DLEC1: variants seen among roughly 807,000 people sequenced by gnomAD.
DLEC1 encodes deleted in lung and esophageal cancer protein 1.
DLEC1 carries 146 observed loss-of-function variants against 198.1 expected under a neutral mutation model. That is an observed-to-expected ratio of 0.74 (90% CI 0.64 to 0.85). The LOEUF (loss-of-function observed/expected upper bound fraction) is 0.85, where lower values mean the gene tolerates loss of function less well. Among genes scored for constraint, DLEC1 ranks in the 40% least tolerant of loss-of-function variants. The pLI, the probability that DLEC1 is intolerant of heterozygous loss-of-function variation, is 0.00. For synonymous variants in DLEC1, 897 were observed against 866.8 expected (o/e 1.03, Z -0.61); for missense variants, 2,233 against 2,220.0 (o/e 1.01, Z -0.12).
intron 32 of DLEC1, 40 bp from the exon 33 acceptor site, chr3:38,117,766 C>G: frequency 6.3e-7 from 1 of 1,596,230 alleles, no homozygotes; most frequent in Non-Finnish European, 8.6e-7. Flanking sequence ...AAGAGAGAGA[C>G]AAGATGCATT....
At position 38,080,653 on chromosome 3, in the gene DLEC1, C is replaced by T. The variant is rs975368931; in HGVS notation, c.1174-3505C>T. On this transcript the variant is annotated intron_variant, in intron 6 of 36. Coordinates refer to ENST00000308059, the MANE Select transcript of DLEC1 (RefSeq NM_007335.4). ...AAAACAAGGCATTTAGGTTTTAGGT[C>T]AGGTGTGAGTTGAAGAGCTTTTAAG... Among the ~76,000 whole-genome samples, 69 of 151,866 alleles carry T rather than the reference C, an allele frequency of 4.5e-4. 2 individuals carry two copies. Among genetic ancestry groups the T allele is most frequent in the Non-Finnish European group, 1.8e-4 (12 of 68,002 alleles).
Position 38,123,266 on chromosome 3 carries a change from C to G in DLEC1, c.*854C>G, listed in dbSNP as rs1700580878. On this transcript the variant is annotated 3_prime_UTR_variant, in exon 37 of 37. Transcript: ENST00000308059. ...GGGCAAGCGGTACCCTGGCCTCCCACTTGGGCACACACACGGTGACAGATG... is the reference window on the plus strand; with the variant it reads ...GGGCAAGCGGTACCCTGGCCTCCCAGTTGGGCACACACACGGTGACAGATG... 2.8e-6 allele frequency: 2 copies of G among 709,112 alleles called. No individual in the cohort carries two copies. Among genetic ancestry groups the G allele is most frequent in the South Asian group, 3.3e-5 (2 of 60,506 alleles). The allele number at this position is 709,112 out of a possible 1,614,324, so 43.9% of individuals were successfully genotyped here.
At chr3:38,064,383 C>T (rs971739744) in intron 6 of DLEC1, among the ~76,000 whole-genome samples, 1 of 152,346 alleles carries the variant, frequency 6.6e-6, no homozygotes, top group East Asian at 1.9e-4. Context: ...TAGTACAGAA[C>T]AAAATGGAGT....
At position 38,112,672 on chromosome 3, in the gene DLEC1, A is replaced by G. The variant is rs1005456617; in HGVS notation, c.3666+311A>G. ...AGGCTGCTGCCTGGGCCAGGACCCAAGACTTGGAGTAGGGAGTGTGGAGTG... is the reference window on the plus strand; with the variant it reads ...AGGCTGCTGCCTGGGCCAGGACCCAGGACTTGGAGTAGGGAGTGTGGAGTG... On this transcript the variant is annotated intron_variant, in intron 25 of 36. Coordinates refer to ENST00000308059, the MANE Select transcript of DLEC1 (RefSeq NM_007335.4). The surrounding 1 kb of genome is among the most constrained non-coding windows in gnomAD (Gnocchi z 4.8). 2.0e-5 allele frequency among the ~76,000 whole-genome samples: 3 copies of G among 152,232 alleles called. No homozygotes were observed. The highest frequency in any genetic ancestry group is 7.2e-5 in the African/African-American group (3 of 41,464).
At chr3:38,071,118 G>A (rs975238681) in intron 6 of DLEC1, among the ~76,000 whole-genome samples, 2 of 152,180 alleles carry the variant, frequency 1.3e-5, no homozygotes, top group African/African-American at 4.8e-5. Flanking sequence ...GGGAGATCTT[G>A]TGGTAAGTGG....
At chr3:38,065,566 A>G (rs1696984333) in intron 6 of DLEC1, among the ~76,000 whole-genome samples, 1 of 152,242 alleles carries the variant, frequency 6.6e-6, no homozygotes, top group Non-Finnish European at 1.5e-5. Flanking sequence ...CTTCATGTAC[A>G]CATCTATATG....
chr3:38,050,432 T>C (rs1030011720), intron 2 of DLEC1, among the ~76,000 whole-genome samples: 12 of 152,206 alleles, frequency 7.9e-5, no homozygotes, highest in Non-Finnish European at 5.9e-5. Context: ...TGGCTCATGA[T>C]TCTGCAGGCT....
intron 13 of DLEC1, chr3:38,095,631 G>T: frequency 2.0e-6 from 1 of 504,622 alleles, no homozygotes; most frequent in Non-Finnish European, 3.6e-6. Context: ...GAGGGGCTTT[G>T]TCAGCATCAG....
chr3:38,110,059 G>A (rs775790093), intron 22 of DLEC1, 40 bp from the exon 23 acceptor site: 7 of 1,607,162 alleles, frequency 4.4e-6, no homozygotes, highest in Non-Finnish European at 5.9e-6. Flanking sequence ...CAAGGGTGGT[G>A]TGTTACATAG....
chr3:38,085,487 T>C (rs1390055547), intron 8 of DLEC1, 40 bp downstream of exon 8: 8 of 1,607,932 alleles, frequency 5.0e-6, no homozygotes, highest in Non-Finnish European at 6.8e-6. Flanking sequence ...TCAGTTAAGG[T>C]TGGAGAGTCC....
intron 6 of DLEC1, among the ~76,000 whole-genome samples, chr3:38,068,225 T>C (rs1240080021): frequency 1.3e-5 from 2 of 151,600 alleles, no homozygotes; most frequent in Non-Finnish European, 2.9e-5. Context: ...CTTCATTTCT[T>C]TTTTTTTAAA....
chr3:38,101,101 C>A (rs1356961400), intron 19 of DLEC1, among the ~76,000 whole-genome samples: 1 of 152,182 alleles, frequency 6.6e-6, no homozygotes, highest in Non-Finnish European at 1.5e-5. Context: ...ACTGCAAGTA[C>A]TGTTTCATCC....
chr3:38,105,047 T>C (rs988316199), intron 19 of DLEC1, among the ~76,000 whole-genome samples: 3 of 152,178 alleles, frequency 2.0e-5, no homozygotes, highest in Non-Finnish European at 4.4e-5. Context: ...TTCTTGTGGT[T>C]TCTTATTTGA....
At chr3:38,065,364 C>CAGAGGG (rs1235103846) in intron 6 of DLEC1, among the ~76,000 whole-genome samples, 82 of 147,070 alleles carry the variant, frequency 5.6e-4, no homozygotes, top group African/African-American at 2.0e-3. Context: ...GGAGACTGTG[C>CAGAGGG]AGAGGGAGAG....
chr3:38,060,137 T>C (rs1401354169), intron 3 of DLEC1, among the ~76,000 whole-genome samples: 1 of 152,142 alleles, frequency 6.6e-6, no homozygotes, highest in African/African-American at 2.4e-5. Context: ...GAGTTGCAGT[T>C]GAACCAAGAG....
chr3:38,116,865 GTAC>G lies in DLEC1; in HGVS notation c.4157_4159del (p.Tyr1386del). On this transcript the variant is annotated inframe_deletion, in exon 29 of 37. Coordinates refer to ENST00000308059, the MANE Select transcript of DLEC1 (RefSeq NM_007335.4). ...ATGAGGGGGTGCCCTCCGGCCACCT[GTAC>G]TGTATCAGCCCCAAGCAGGTGGTGA... is the stretch of plus-strand genomic sequence containing the variant. The G allele has an allele frequency of 6.2e-7, 1 of 1,613,658 alleles. No homozygotes were observed. Among genetic ancestry groups the G allele is most frequent in the Non-Finnish European group, 8.5e-7 (1 of 1,179,828 alleles).
At chr3:38,051,822 A>G (rs1701133288) in intron 2 of DLEC1, 1 of 154,484 alleles carries the variant, frequency 6.5e-6, no homozygotes, top group Non-Finnish European at 1.5e-5. Flanking sequence ...TGATAAAACT[A>G]TAAAATTATG....
In DLEC1 at chr3:38,111,661, G is replaced by A; in HGVS notation, c.3444-16G>A. On this transcript the variant is annotated splice_polypyrimidine_tract_variant and intron_variant, in intron 23 of 36. Transcript: ENST00000308059. Reference sequence around the variant, plus strand: ...TTGTCTGACTTGATACTATTTCTGTGTCTCCACTTGTAAAGTCCCAACATG... The same window carrying A: ...TTGTCTGACTTGATACTATTTCTGTATCTCCACTTGTAAAGTCCCAACATG... The A allele has an allele frequency of 6.2e-7, 1 of 1,611,908 alleles. No individual in the cohort carries two copies. The highest frequency in any genetic ancestry group is 8.5e-7 in the Non-Finnish European group (1 of 1,178,998).
chr3:38,051,575 T>C (rs544716703), intron 2 of DLEC1, among the ~76,000 whole-genome samples: 47 of 152,352 alleles, frequency 3.1e-4, no homozygotes, highest in African/African-American at 1.1e-3. Flanking sequence ...AGATATCATT[T>C]CCACTGTTGA....
Sources: allele counts gnomAD v4.1 joint callset (sites outside exome capture counted in the v4.1 genomes callset), GRCh38; gene constraint gnomAD v4.1.1; non-coding constraint Gnocchi (gnomAD v3.1); transcripts MANE v1.5; gene names NCBI Gene and HGNC (gene_info 2026-07-23, HGNC 2026-07-21).